ROBO2: variants seen among roughly 807,000 people sequenced by gnomAD.
ROBO2 encodes roundabout homolog 2.
A neutral mutation model predicts 160.8 loss-of-function variants in ROBO2; 53 were observed. That is an observed-to-expected ratio of 0.33 (90% CI 0.26 to 0.41). The LOEUF is 0.41. ROBO2 is among the 10% of genes least tolerant of loss of function. The pLI, the probability that ROBO2 is intolerant of heterozygous loss-of-function variation, is 1.00. For synonymous variants in ROBO2, 664 were observed against 611.7 expected, an observed-to-expected ratio of 1.09 and a Z score of -1.26; for missense variants, 1,577 against 1,722.4, an observed-to-expected ratio of 0.92 and a Z score of 1.49.
chr3:76,678,894 AAAATATAG>A (rs1430837384), intron 2 of ROBO2, among the ~76,000 whole-genome samples: 4 of 152,198 alleles, frequency 2.6e-5, no homozygotes, highest in African/African-American at 9.6e-5. Flanking sequence ...GAGAGCCCTT[AAAATATAG>A]AAATATAGGA....
chr3:75,937,390 A>G (rs1163599206), intron 1 of ROBO2: 1 of 545,074 alleles, frequency 1.8e-6, no homozygotes, highest in African/African-American at 1.9e-5. Flanking sequence ...AGAAATGCAC[A>G]ATGCATATTA....
At chr3:77,556,087 C>T (rs975671208) in intron 8 of ROBO2, among the ~76,000 whole-genome samples, 3 of 151,660 alleles carry the variant, frequency 2.0e-5, no homozygotes, top group East Asian at 1.9e-4. Flanking sequence ...GAAAAAAAAT[C>T]GTTTAAAATT....
chr3:76,668,267 T>TAA (rs35393443), intron 2 of ROBO2, among the ~76,000 whole-genome samples: 65,987 of 150,424 alleles, frequency 0.44, 14,899 homozygotes, highest in African/African-American at 0.54. Flanking sequence ...GCCCAGCTAT[T>TAA]AAAAAAAAAT....
chr3:77,078,979 T>C (rs2068321016), intron 1 of ROBO2, among the ~76,000 whole-genome samples: 2 of 152,176 alleles, frequency 1.3e-5, no homozygotes, highest in Non-Finnish European at 2.9e-5. Context: ...AGTCTCGCTG[T>C]GTCACCCAGG....
At chr3:77,058,184 A>G (rs2065947872) in intron 1 of ROBO2, among the ~76,000 whole-genome samples, 1 of 152,194 alleles carries the variant, frequency 6.6e-6, no homozygotes, top group Non-Finnish European at 1.5e-5. Context: ...CCTGAATAAA[A>G]TAGGTGAATA....
chr3:76,965,857 C>T (rs1223163514), intron 2 of ROBO2, among the ~76,000 whole-genome samples: 1 of 146,158 alleles, frequency 6.8e-6, no homozygotes, highest in African/African-American at 2.5e-5. Context: ...GGAAGAACCA[C>T]CCATATCTAT....
At chr3:76,613,603 T>A (rs896958917) in intron 2 of ROBO2, among the ~76,000 whole-genome samples, 1 of 151,938 alleles carries the variant, frequency 6.6e-6, no homozygotes, top group Admixed American at 6.6e-5. Context: ...AAGACGGTAA[T>A]GTTCATCATG....
intron 2 of ROBO2, among the ~76,000 whole-genome samples, chr3:76,358,563 T>C (rs10511043): frequency 0.046 from 6,935 of 152,078 alleles, 434 homozygotes; most frequent in African/African-American, 0.14. Flanking sequence ...TGTTAGGATA[T>C]TCACTAATTC....
chr3:77,468,593 G>A (rs1164530292), intron 2 of ROBO2, among the ~76,000 whole-genome samples: 2 of 152,166 alleles, frequency 1.3e-5, no homozygotes, highest in East Asian at 3.9e-4. Flanking sequence ...GCTAAAAAAA[G>A]GATTCAAGAA....
chr3:76,689,628 A>G (rs1341987186), intron 2 of ROBO2, among the ~76,000 whole-genome samples: 1 of 152,206 alleles, frequency 6.6e-6, no homozygotes, highest in African/African-American at 2.4e-5. Flanking sequence ...CTTGACTACT[A>G]GAAACCTTAA....
At chr3:77,349,935 C>T (rs1311346015) in intron 2 of ROBO2, among the ~76,000 whole-genome samples, 5 of 151,830 alleles carry the variant, frequency 3.3e-5, no homozygotes, top group Admixed American at 6.6e-5. Context: ...AGTCTGGTCC[C>T]GATGTTAGTT....
chr3:76,296,568 G>A (rs898451127), intron 2 of ROBO2, among the ~76,000 whole-genome samples: 7 of 152,008 alleles, frequency 4.6e-5, no homozygotes, highest in African/African-American at 1.7e-4. Context: ...TCTCCCTATG[G>A]CATTTATTTA....
rs1185410732 is a variant in ROBO2 at position 77,274,790 on chromosome 3, A to G, written c.388+176450A>G. ...CAGTACTTACACTGGATAGTTTTCA[A>G]GCATCATTTTGTGAGTGAATAATCT... On this transcript the variant is annotated intron_variant, in intron 2 of 25. Coordinates refer to ENST00000461745, the Ensembl canonical transcript of ROBO2. Among the ~76,000 whole-genome samples the G allele has an allele frequency of 1.9e-4, 29 of 152,108 alleles. 1 individual carries two copies. Among genetic ancestry groups the G allele is most frequent in the Admixed American group, 1.9e-3 (29 of 15,268 alleles).
At chr3:76,697,039 A>C (rs2092942789) in intron 2 of ROBO2, among the ~76,000 whole-genome samples, 1 of 152,188 alleles carries the variant, frequency 6.6e-6, no homozygotes, top group African/African-American at 2.4e-5. Context: ...AATATCATGA[A>C]GTCTATAAAG....
chr3:77,356,269 CA>C (rs1445731177), intron 2 of ROBO2, among the ~76,000 whole-genome samples: 1 of 151,974 alleles, frequency 6.6e-6, no homozygotes, highest in Non-Finnish European at 1.5e-5. Context: ...ACAATTTGTT[CA>C]GCATGATTCT....
chr3:77,607,744 AT>A (rs1435190831), intron 20 of ROBO2, 53 bp from the exon 22 acceptor site: 1 of 1,523,434 alleles, frequency 6.6e-7, no homozygotes, highest in Non-Finnish European at 9.1e-7. Flanking sequence ...CATCTGATGT[AT>A]TCTCTTTATT....
intron 2 of ROBO2, among the ~76,000 whole-genome samples, chr3:76,389,889 G>T (rs554446448): frequency 6.6e-6 from 1 of 152,222 alleles, no homozygotes; most frequent in African/African-American, 2.4e-5. Flanking sequence ...CTGTGTTACC[G>T]TTTGCATCTT....
rs562692710 is a variant in ROBO2 at position 77,553,957 on chromosome 3, A to C, written c.1231+2968A>C. ...TATACTAAACAGATTTTCAATGTAGACAAAGCATGCATATATTGAAAGAAG... is the reference window on the plus strand; with the variant it reads ...TATACTAAACAGATTTTCAATGTAGCCAAAGCATGCATATATTGAAAGAAG... On this transcript the variant is annotated intron_variant, in intron 8 of 25. Transcript: ENST00000461745. Among the ~76,000 whole-genome samples, 11 of 152,140 alleles carry C rather than the reference A, an allele frequency of 7.2e-5. No homozygotes were observed. In the East Asian group the frequency reaches 2.1e-3, roughly 30 times the overall value.
intron 2 of ROBO2, among the ~76,000 whole-genome samples, chr3:76,868,179 A>G (rs2071583661): frequency 6.6e-6 from 1 of 152,144 alleles, no homozygotes. Flanking sequence ...TTTTTTACCC[A>G]ACCTGGATTT....
Sources: allele counts gnomAD v4.1 joint callset (sites outside exome capture counted in the v4.1 genomes callset), GRCh38; gene constraint gnomAD v4.1.1; transcripts MANE v1.5; gene names NCBI Gene and HGNC (gene_info 2026-07-23, HGNC 2026-07-21).